Variants in AK2 observed in about 807,000 individuals in gnomAD.
AK2 encodes adenylate kinase 2, also known as adenylate kinase 2, mitochondrial.
Under a neutral mutation model 24.6 loss-of-function variants are expected in AK2, and 15 were observed. That is an observed-to-expected ratio of 0.61 (90% CI 0.41 to 0.94). The LOEUF is 0.94. Ranked by LOEUF, AK2 falls within the 40% of genes least tolerant of loss-of-function variation. The probability of loss-of-function intolerance (pLI) is 0.00; values close to 1 mark genes in which losing one functional copy is unlikely to be tolerated. For synonymous variants in AK2, 102 were observed against 114.0 expected (o/e 0.90, Z 0.67); for missense variants, 257 against 304.1 (o/e 0.85, Z 1.15).
chr1:33,036,115 T>C (rs751131397), intron 1 of AK2, among the ~76,000 whole-genome samples: 5 of 152,094 alleles, frequency 3.3e-5, no homozygotes, highest in Non-Finnish European at 7.4e-5. Context: ...TACTCAAAGG[T>C]TGCGACTCAT....
rs765241887 is a variant in AK2, at chr1:33,011,399, T to A, written c.*1782A>T. 2.3e-6 allele frequency: 3 copies of A among 1,287,370 alleles called. No individual in the cohort carries two copies. In the Middle Eastern group the frequency reaches 9.8e-4, roughly 420 times the overall value. The allele number at this position is 1,287,370 out of a possible 1,614,324, so 79.7% of individuals were successfully genotyped here. A position where few individuals can be genotyped will look rare whatever the true frequency, so the allele number is the denominator to read the frequency against. On this transcript the variant is annotated 3_prime_UTR_variant, in exon 6 of 6. Coordinates refer to ENST00000672715, the MANE Select transcript of AK2 (RefSeq NM_001625.4). The stretch of plus-strand genomic sequence containing the variant: ...AGTTTCCATTAAGAGTGGGTGGAGT[T>A]GGTTTAGAGCCAGGAAAACAAGGCA...
chr1:33,019,810 C>T, intron 4 of AK2: 1 of 1,123,618 alleles, frequency 8.9e-7, no homozygotes, highest in Non-Finnish European at 1.1e-6. Flanking sequence ...CAGTGGCTAA[C>T]TGGAAGAAAC....
intron 4 of AK2, among the ~76,000 whole-genome samples, chr1:33,017,937 T>C (rs1368667845): frequency 6.6e-6 from 1 of 152,056 alleles, no homozygotes; most frequent in Non-Finnish European, 1.5e-5. Context: ...ACTTTTTTTT[T>C]GCTTTATAGT....
chr1:33,026,526 T>C (rs1372433777), intron 1 of AK2, among the ~76,000 whole-genome samples: 1 of 152,218 alleles, frequency 6.6e-6, no homozygotes, highest in East Asian at 1.9e-4. Flanking sequence ...AAACTGTACT[T>C]GGCCGGGTGC....
chr1:33,024,168 C>CA (rs891701966), intron 2 of AK2: 2,178 of 334,592 alleles, frequency 6.5e-3, no homozygotes, highest in Middle Eastern at 0.011. Context: ...GAGACTTTGT[C>CA]AAAAAAAAAA....
intron 4 of AK2, chr1:33,020,256 TCCTC>T (rs1309861021): frequency 2.0e-6 from 2 of 1,001,664 alleles, no homozygotes; most frequent in Admixed American, 4.7e-5. Context: ...AGCAAATTCT[TCCTC>T]CATTTTCTAA....
intron 1 of AK2, among the ~76,000 whole-genome samples, chr1:33,030,536 AGAGT>A (rs1208717129): frequency 8.5e-5 from 13 of 152,302 alleles, no homozygotes; most frequent in African/African-American, 2.9e-4. Context: ...CCTGAGTGAC[AGAGT>A]GAGACCCTGT....
chr1:33,012,885 G>A lies in AK2; in HGVS notation c.*296C>T, dbSNP rs1027310580. 1.4e-5 allele frequency: 19 copies of A among 1,341,018 alleles called. No individual in the cohort carries two copies. In the Middle Eastern group the frequency reaches 8.9e-4, roughly 63 times the overall value. 83.1% of individuals were successfully genotyped at this position (1,341,018 alleles called of 1,614,324 possible). On this transcript the variant is annotated 3_prime_UTR_variant, in exon 6 of 6. Transcript: ENST00000672715. Reference sequence around the variant, plus strand: ...TGCACTCCAGCCAGGGTGGCAGAGCGAAACCTTGTCTCAAAACAACAACAA... The same window carrying A: ...TGCACTCCAGCCAGGGTGGCAGAGCAAAACCTTGTCTCAAAACAACAACAA...
chr1:33,033,352 T>C (rs1046208194), intron 1 of AK2, among the ~76,000 whole-genome samples: 4 of 151,886 alleles, frequency 2.6e-5, no homozygotes, highest in Admixed American at 1.3e-4. Context: ...AGGACCCCCA[T>C]CTTTAAAACA....
At chr1:33,034,935 C>G (rs1640486067) in intron 1 of AK2, among the ~76,000 whole-genome samples, 1 of 151,880 alleles carries the variant, frequency 6.6e-6, no homozygotes, top group African/African-American at 2.4e-5. Context: ...GCCTGTACTC[C>G]CAGCTACCTG....
chr1:33,023,152 G>A, intron 2 of AK2, among the ~76,000 whole-genome samples: 1 of 152,154 alleles, frequency 6.6e-6, no homozygotes, highest in East Asian at 1.9e-4. Flanking sequence ...GACTTCTGAA[G>A]GTGATTCTCA....
intron 1 of AK2, among the ~76,000 whole-genome samples, chr1:33,030,444 C>T (rs1371624253): frequency 6.6e-6 from 1 of 151,964 alleles, no homozygotes; most frequent in Non-Finnish European, 1.5e-5. Flanking sequence ...AGTCCAGCTA[C>T]TTAGGAGGCT....
intron 2 of AK2, among the ~76,000 whole-genome samples, chr1:33,023,293 C>A (rs2124338178): frequency 6.6e-6 from 1 of 152,202 alleles, no homozygotes; most frequent in South Asian, 2.1e-4. Flanking sequence ...CTGGGCATGG[C>A]AGCTCACACC....
rs1054470909 is a variant in AK2 at position 33,011,441 on chromosome 1, C to T, written c.*1740G>A. 1.6e-6 allele frequency: 2 copies of T among 1,287,354 alleles called. No individual in the cohort carries two copies. Among genetic ancestry groups the T allele is most frequent in the Non-Finnish European group, 2.0e-6 (2 of 988,782 alleles). The allele number at this position is 1,287,354 out of a possible 1,614,324, so 79.7% of individuals were successfully genotyped here. A position where few individuals can be genotyped will look rare whatever the true frequency, so the allele number is the denominator to read the frequency against. ...AACAAGGCAGGACAGAGGCAGCAGACACTCACTTGGACCAGGCAAAGAGGG... is the reference window on the plus strand; with the variant it reads ...AACAAGGCAGGACAGAGGCAGCAGATACTCACTTGGACCAGGCAAAGAGGG... On this transcript the variant is annotated 3_prime_UTR_variant, in exon 6 of 6. Coordinates refer to ENST00000672715, the MANE Select transcript of AK2 (RefSeq NM_001625.4).
intron 2 of AK2, among the ~76,000 whole-genome samples, chr1:33,023,520 G>A (rs559717675): frequency 2.3e-4 from 35 of 152,200 alleles, no homozygotes; most frequent in African/African-American, 8.0e-4. Context: ...CCAGGAGGTC[G>A]AGGCTGTAGT....
In AK2 at chr1:33,024,968, C is replaced by A. The variant is rs145247052; in HGVS notation, c.94-401G>T. 3.9e-5 allele frequency among the ~76,000 whole-genome samples: 6 copies of A among 152,176 alleles called. No homozygotes were observed. In the East Asian group the frequency reaches 1.2e-3, roughly 29 times the overall value. The stretch of plus-strand genomic sequence containing the variant: ...TTGGGAGGCTGAGGTGGGCGGATCA[C>A]GAGGTCAGAAGTTCGAGACCAGCCT... On this transcript the variant is annotated intron_variant, in intron 1 of 5. Coordinates refer to ENST00000672715, the MANE Select transcript of AK2 (RefSeq NM_001625.4).
intron 1 of AK2, among the ~76,000 whole-genome samples, chr1:33,025,075 C>T (rs1368399742): frequency 6.6e-6 from 1 of 150,816 alleles, no homozygotes; most frequent in Non-Finnish European, 1.5e-5. Flanking sequence ...ATTGCAGCTA[C>T]TCAGGAGGCT....
At position 33,033,580 on chromosome 1, in the gene AK2, AT is replaced by A. The variant is rs1009289907; in HGVS notation, c.93+3155del. ...AAGAAAATTTGAATAAAAATTGTTG[AT>A]TTTTTAAAGGATATTATGCTTATGT... is the stretch of plus-strand genomic sequence containing the variant. On this transcript the variant is annotated intron_variant, in intron 1 of 5. Transcript: ENST00000672715. Among the ~76,000 whole-genome samples the A allele has an allele frequency of 8.5e-5, 13 of 152,300 alleles. No individual in the cohort carries two copies. In the South Asian group the frequency reaches 2.7e-3, roughly 32 times the overall value.
chr1:33,036,694 A>T, intron 1 of AK2, 42 bp downstream of exon 1: 1 of 1,526,914 alleles, frequency 6.5e-7, no homozygotes, highest in Admixed American at 2.0e-5. Flanking sequence ...TTGACCTTGG[A>T]GTTCAGCAGG....
Sources: gnomAD v4.1 joint callset for allele counts (sites outside exome capture counted in the v4.1 genomes callset) on GRCh38, gnomAD v4.1.1 for gene constraint, MANE v1.5 for transcripts, NCBI Gene and HGNC (gene_info 2026-07-23, HGNC 2026-07-21) for gene names.